The following RNF144A variants were observed in gnomAD, a reference collection of about 807,000 sequenced individuals.
The protein encoded by RNF144A is ring finger protein 144A.
RNF144A carries 11 observed loss-of-function variants against 38.7 expected under a neutral mutation model. That is an observed-to-expected ratio of 0.28 (90% CI 0.18 to 0.47). The LOEUF (loss-of-function observed/expected upper bound fraction) is 0.47, where lower values mean the gene tolerates loss of function less well. Ranked by LOEUF, RNF144A falls within the 20% of genes least tolerant of loss-of-function variation. The pLI is 0.99. For missense variants in RNF144A, 316 were observed against 377.2 expected, an observed-to-expected ratio of 0.84 and a Z score of 1.34; for synonymous variants, 149 against 143.9, an observed-to-expected ratio of 1.04 and a Z score of -0.25.
Position 7,041,802 on chromosome 2 carries a change from T to C in RNF144A, c.*2042T>C. The C allele has an allele frequency of 1.0e-6, 1 of 985,514 alleles. No homozygotes were observed. Among genetic ancestry groups the C allele is most frequent in the Non-Finnish European group, 1.2e-6 (1 of 830,014 alleles). The allele number at this position is 985,514 out of a possible 1,614,324, so 61.0% of individuals were successfully genotyped here. ...CTGCCCATCGCATGAGCCCACACAG[T>C]AGCACCCCCGTCCTTAGGATGAGAG... On this transcript the variant is annotated 3_prime_UTR_variant, in exon 9 of 9. Coordinates refer to ENST00000320892, the MANE Select transcript of RNF144A (RefSeq NM_014746.6).
chr2:6,999,262 T>C (rs1352012948), intron 3 of RNF144A, among the ~76,000 whole-genome samples: 2 of 152,198 alleles, frequency 1.3e-5, no homozygotes, highest in Non-Finnish European at 2.9e-5. Context: ...TAGCTCACTG[T>C]AGCGTGAAGA....
At chr2:7,017,317 CTTTG>C (rs910657657) in intron 5 of RNF144A, among the ~76,000 whole-genome samples, 11 of 74,802 alleles carry the variant, frequency 1.5e-4, no homozygotes, top group East Asian at 9.0e-4. Flanking sequence ...TTTTTTTGTT[CTTTG>C]TTTTTTTTTT....
chr2:6,950,079 A>T (rs1472215467), intron 2 of RNF144A, among the ~76,000 whole-genome samples: 4 of 152,122 alleles, frequency 2.6e-5, no homozygotes, highest in African/African-American at 9.7e-5. Context: ...TATTCAGTAG[A>T]ATTTGACACA....
chr2:6,959,721 C>T (rs572339830), intron 2 of RNF144A, among the ~76,000 whole-genome samples: 1 of 152,302 alleles, frequency 6.6e-6, no homozygotes, highest in East Asian at 1.9e-4. Flanking sequence ...TCATCCATAA[C>T]CGGTGAATGG....
chr2:7,065,608 T>G (rs1674181066), intron 6 of RNF144A, among the ~76,000 whole-genome samples: 1 of 152,236 alleles, frequency 6.6e-6, no homozygotes, highest in South Asian at 2.1e-4. Context: ...CCATTAAAAT[T>G]ATATGAAAAT....
intron 7 of RNF144A, among the ~76,000 whole-genome samples, chr2:7,029,613 C>T (rs1404246239): frequency 6.6e-6 from 1 of 152,170 alleles, no homozygotes; most frequent in Non-Finnish European, 1.5e-5. Context: ...GAAGCCCGAC[C>T]TGATGGAGGG....
chr2:7,032,212 A>C (rs1366603411), intron 8 of RNF144A, among the ~76,000 whole-genome samples: 1 of 151,812 alleles, frequency 6.6e-6, no homozygotes, highest in Non-Finnish European at 1.5e-5. Context: ...GCTCTGCTGG[A>C]ATCCGCGCCC....
In RNF144A at chr2:6,976,735, A is replaced by G. The variant is rs569152425; in HGVS notation, c.-11-20181A>G. Reference sequence around the variant, plus strand: ...TTACTCCTCACTCTCATAAGAAATGATTTTGTGTGAGTATGTACTACCCTT... The same window carrying G: ...TTACTCCTCACTCTCATAAGAAATGGTTTTGTGTGAGTATGTACTACCCTT... On this transcript the variant is annotated intron_variant, in intron 2 of 8. Coordinates refer to ENST00000320892, the MANE Select transcript of RNF144A (RefSeq NM_014746.6). Among the ~76,000 whole-genome samples, 51 of 151,678 alleles carry G rather than the reference A, an allele frequency of 3.4e-4. No individual in the cohort carries two copies. The East Asian group carries it at 9.7e-3, about 29-fold the overall frequency.
intron 8 of RNF144A, among the ~76,000 whole-genome samples, chr2:7,032,615 G>A (rs975807624): frequency 6.6e-6 from 1 of 152,172 alleles, no homozygotes; most frequent in Non-Finnish European, 1.5e-5. Flanking sequence ...GCAATCCTCC[G>A]TCTTCCTCCG....
At chr2:6,998,123 ATATT>A (rs1446886895) in intron 3 of RNF144A, among the ~76,000 whole-genome samples, 2 of 152,156 alleles carry the variant, frequency 1.3e-5, no homozygotes, top group African/African-American at 4.8e-5. Flanking sequence ...ATAAAACACA[ATATT>A]TATCATTTTA....
rs1397267597 is a variant in RNF144A at position 7,019,263 on chromosome 2, C to T, written c.302-1210C>T. Among the ~76,000 whole-genome samples the T allele has an allele frequency of 4.6e-5, 7 of 152,200 alleles. 1 individual carries two copies. Among genetic ancestry groups the T allele is most frequent in the Admixed American group, 2.6e-4 (4 of 15,276 alleles). ...ACACAGAGCCTTACACATACGTATGCGTGTGCACCGTCAGGACACCCAGTG... is the reference window on the plus strand; with the variant it reads ...ACACAGAGCCTTACACATACGTATGTGTGTGCACCGTCAGGACACCCAGTG... On this transcript the variant is annotated intron_variant, in intron 5 of 8. Transcript: ENST00000320892.
At chr2:7,011,687 GT>G (rs796240303) in intron 3 of RNF144A, among the ~76,000 whole-genome samples, 13 of 152,306 alleles carry the variant, frequency 8.5e-5, no homozygotes, top group African/African-American at 3.1e-4. Context: ...CTTTTAGGCT[GT>G]GTATTTTACA....
At chr2:7,033,303 G>A (rs576550521) in intron 8 of RNF144A, among the ~76,000 whole-genome samples, 69 of 152,368 alleles carry the variant, frequency 4.5e-4, no homozygotes, top group African/African-American at 1.6e-3. Flanking sequence ...CTGCAGGCCC[G>A]TGCCCCATGC....
At chr2:7,038,732 G>T (rs979756435) in intron 8 of RNF144A, among the ~76,000 whole-genome samples, 5 of 152,180 alleles carry the variant, frequency 3.3e-5, no homozygotes, top group African/African-American at 1.2e-4. Context: ...TATATGAATG[G>T]AAGGGTATAG....
intron 1 of RNF144A, among the ~76,000 whole-genome samples, chr2:6,927,375 A>G (rs1664942644): frequency 6.6e-6 from 1 of 152,190 alleles, no homozygotes; most frequent in Non-Finnish European, 1.5e-5. Flanking sequence ...CTTCCTTGAC[A>G]GTGACCTTGT....
In RNF144A at chr2:6,924,357, C is replaced by T. The variant is rs141593220; in HGVS notation, c.-212+6735C>T. Among the ~76,000 whole-genome samples the T allele has an allele frequency of 3.0e-3, 453 of 152,292 alleles. 1 individual carries two copies. The highest frequency in any genetic ancestry group is 5.4e-3 in the Non-Finnish European group (366 of 68,022). On this transcript the variant is annotated intron_variant, in intron 1 of 8. Coordinates refer to ENST00000320892, the MANE Select transcript of RNF144A (RefSeq NM_014746.6). The stretch of plus-strand genomic sequence containing the variant: ...AAGCATAGGACGTGGCCTTTGCCTG[C>T]GATGTGAAGGGAGATGCATAATGTG...
intron 2 of RNF144A, among the ~76,000 whole-genome samples, chr2:6,991,247 GC>G (rs1181001449): frequency 1.3e-5 from 2 of 152,160 alleles, no homozygotes; most frequent in Non-Finnish European, 2.9e-5. Context: ...GGCATCATCT[GC>G]TTGGGAGGAG....
rs1043628001 is a variant in RNF144A at position 7,043,615 on chromosome 2, C to T, written c.*3855C>T. ...AATAAACAAAATGAAGGGATTATGA[C>T]AGGTATTACCAAAAACACCAAAAGG... On this transcript the variant is annotated 3_prime_UTR_variant, in exon 9 of 9. Coordinates refer to ENST00000320892, the MANE Select transcript of RNF144A (RefSeq NM_014746.6). 3 of 985,408 alleles carry T rather than the reference C, an allele frequency of 3.0e-6. No individual in the cohort carries two copies. In the African/African-American group the frequency reaches 5.2e-5, roughly 17 times the overall value. The allele number at this position is 985,408 out of a possible 1,614,324, so 61.0% of individuals were successfully genotyped here. A position where few individuals can be genotyped will look rare whatever the true frequency, so the allele number is the denominator to read the frequency against.
chr2:7,020,715 G>T (rs781781503), intron 6 of RNF144A, 35 bp downstream of exon 6: 14 of 1,576,754 alleles, frequency 8.9e-6, no homozygotes, highest in South Asian at 1.1e-5. Context: ...CCAAAGGCAT[G>T]GCTGTGGGCC....
Sources: gnomAD v4.1 joint callset for allele counts (sites outside exome capture counted in the v4.1 genomes callset) on GRCh38, gnomAD v4.1.1 for gene constraint, MANE v1.5 for transcripts, NCBI Gene and HGNC (gene_info 2026-07-23, HGNC 2026-07-21) for gene names.